Variants in CECR2 observed in about 807,000 individuals in gnomAD.
CECR2 encodes the protein chromatin remodeling regulator CECR2.
A neutral mutation model predicts 154.5 loss-of-function variants in CECR2; 30 were observed. The ratio of observed to expected loss-of-function variants is 0.19; its 90% confidence interval spans 0.15 to 0.26. The LOEUF (loss-of-function observed/expected upper bound fraction) is 0.26. Among genes scored for constraint, CECR2 ranks in the 10% least tolerant of loss-of-function variants. The pLI is 1.00. For synonymous variants in CECR2, 725 were observed against 683.7 expected, an observed-to-expected ratio of 1.06 and a Z score of -0.94; for missense variants, 1,743 against 1,829.3, an observed-to-expected ratio of 0.95 and a Z score of 0.86.
chr22:17,510,803 C>CA (rs1189442674), intron 7 of CECR2, among the ~76,000 whole-genome samples: 1 of 152,142 alleles, frequency 6.6e-6, no homozygotes, highest in African/African-American at 2.4e-5. Flanking sequence ...GATGGGGTTT[C>CA]ACCATGTTGG....
chr22:17,475,318 A>G (rs1372137602), intron 1 of CECR2, among the ~76,000 whole-genome samples: 2 of 152,110 alleles, frequency 1.3e-5, no homozygotes, highest in African/African-American at 2.4e-5. Flanking sequence ...AATGGAGAAC[A>G]TTGGCCGGGG....
intron 1 of CECR2, among the ~76,000 whole-genome samples, chr22:17,411,094 C>T (rs2054062440): frequency 1.3e-5 from 2 of 152,136 alleles, no homozygotes; most frequent in East Asian, 1.9e-4. Flanking sequence ...CAGTTGGATT[C>T]TAAAGTTCTT....
intron 1 of CECR2, among the ~76,000 whole-genome samples, chr22:17,469,016 A>G (rs2055077854): frequency 6.6e-6 from 1 of 152,098 alleles, no homozygotes; most frequent in African/African-American, 2.4e-5. Context: ...CCCACTCCCC[A>G]GATGGCATTA....
Position 17,387,972 on chromosome 22 carries a change from C to T in CECR2, c.126+18063C>T, listed in dbSNP as rs368789863. On this transcript the variant is annotated intron_variant, in intron 1 of 18. Transcript: ENST00000262608. ...TTTTTGTTTGTTTTTTGTTTTGTCCCGAGAGGGAGTCTGTCTCTGTCGCCC... is the reference window on the plus strand; with the variant it reads ...TTTTTGTTTGTTTTTTGTTTTGTCCTGAGAGGGAGTCTGTCTCTGTCGCCC... 5.9e-5 allele frequency among the ~76,000 whole-genome samples: 9 copies of T among 151,332 alleles called. No homozygotes were observed. In the East Asian group the frequency reaches 7.7e-4, roughly 13 times the overall value.
Position 17,549,067 on chromosome 22 carries a change from C to T in CECR2, c.3780C>T (p.Thr1260=). Residue 1260 remains threonine, a synonymous_variant, in exon 17 of 19, where the codon ACC becomes ACT. Transcript: ENST00000262608. The part of the protein sequence containing the change: ...ETLNAALTSP[T]RMDAVAAKVP... ...TGAATGCTGCCTTAACTTCTCCAACCCGTATGGATGCAGTGGCTGCTAAAG... is the reference window on the plus strand; with the variant it reads ...TGAATGCTGCCTTAACTTCTCCAACTCGTATGGATGCAGTGGCTGCTAAAG... The T allele has an allele frequency of 6.2e-7, 1 of 1,614,024 alleles. No individual in the cohort carries two copies. Among genetic ancestry groups the T allele is most frequent in the African/African-American group, 1.3e-5 (1 of 75,058 alleles).
chr22:17,467,781 T>G (rs895050876), intron 1 of CECR2, among the ~76,000 whole-genome samples: 1 of 145,010 alleles, frequency 6.9e-6, no homozygotes, highest in African/African-American at 2.6e-5. Context: ...AAACTCAGTC[T>G]CAAAAAAAAG....
chr22:17,523,037 A>G (rs2056186218), intron 8 of CECR2, among the ~76,000 whole-genome samples: 1 of 152,084 alleles, frequency 6.6e-6, no homozygotes, highest in Admixed American at 6.6e-5. Context: ...TATCTAGGCA[A>G]GATCGTCTCT....
chr22:17,401,381 T>C (rs73153496), intron 1 of CECR2, among the ~76,000 whole-genome samples: 18,857 of 152,176 alleles, frequency 0.12, 1,232 homozygotes, highest in East Asian at 0.18. Flanking sequence ...TACACACTAG[T>C]GAAACCATTA....
rs555768616 is a variant in CECR2 at position 17,429,895 on chromosome 22, G to A, written c.127-47693G>A. On this transcript the variant is annotated intron_variant, in intron 1 of 18. Transcript: ENST00000262608. ...CTGGTGGAAGACTAAGCCACCATTA[G>A]TGCAGTCTCTAGGGAAGGACTTTCT... Among the ~76,000 whole-genome samples the A allele has an allele frequency of 2.6e-5, 4 of 152,334 alleles. No homozygotes were observed. The South Asian group carries it at 6.2e-4, about 24-fold the overall frequency.
intron 1 of CECR2, among the ~76,000 whole-genome samples, chr22:17,476,334 A>G (rs1407607499): frequency 6.6e-6 from 1 of 151,692 alleles, no homozygotes; most frequent in Non-Finnish European, 1.5e-5. Flanking sequence ...GCACGATCTC[A>G]TTTCACTGCA....
At chr22:17,550,734 A>G (rs2056695089) in intron 17 of CECR2, among the ~76,000 whole-genome samples, 1 of 152,170 alleles carries the variant, frequency 6.6e-6, no homozygotes. Flanking sequence ...CGAGGTCAGG[A>G]GATTGAGACC....
At chr22:17,407,780 A>G (rs1035120152) in intron 1 of CECR2, among the ~76,000 whole-genome samples, 3 of 152,156 alleles carry the variant, frequency 2.0e-5, no homozygotes, top group African/African-American at 7.2e-5. Context: ...ACTCAGGGGA[A>G]GAGGGGTGTG....
intron 2 of CECR2, among the ~76,000 whole-genome samples, chr22:17,482,960 C>T (rs1255321337): frequency 5.3e-5 from 8 of 152,046 alleles, no homozygotes; most frequent in South Asian, 4.1e-4. Context: ...GGATTACAGG[C>T]GTGAGCCACC....
At chr22:17,482,731 CA>C (rs2055348672) in intron 2 of CECR2, among the ~76,000 whole-genome samples, 1 of 147,418 alleles carries the variant, frequency 6.8e-6, no homozygotes, top group Non-Finnish European at 1.5e-5. Context: ...GGTAGGGTTT[CA>C]TCATGTTGGC....
Position 17,504,603 on chromosome 22 carries a change from A to AT in CECR2, c.701-233dup, listed in dbSNP as rs35041905. On this transcript the variant is annotated intron_variant, in intron 6 of 18. Transcript: ENST00000262608. Reference sequence around the variant, plus strand: ...AGGCGCCCGCCACCGCGCCCGGCTAATTTTTTTTTTTCTATTTTTAGTAGA... The same window carrying AT: ...AGGCGCCCGCCACCGCGCCCGGCTAATTTTTTTTTTTTCTATTTTTAGTAGA... Among the ~76,000 whole-genome samples the AT allele has an allele frequency of 5.9e-3, 859 of 145,810 alleles. 27 individuals are homozygous for AT. In the East Asian group the frequency reaches 0.11, roughly 18 times the overall value.
intron 1 of CECR2, among the ~76,000 whole-genome samples, chr22:17,425,298 AC>A (rs2054313922): frequency 6.6e-6 from 1 of 151,588 alleles, no homozygotes; most frequent in Non-Finnish European, 1.5e-5. Context: ...ATGTAGCAGC[AC>A]CCTGGAATGA....
In CECR2 at chr22:17,385,506, C is replaced by T. The variant is rs747038740; in HGVS notation, c.126+15597C>T. Among the ~76,000 whole-genome samples, 9 of 152,292 alleles carry T rather than the reference C, an allele frequency of 5.9e-5. 1 individual carries two copies. The highest frequency in any genetic ancestry group is 2.1e-4 in the South Asian group (1 of 4,832). ...CAGTCTGTGGAGCAGACAGAACACACGCATTTATCAATTGAGTTTGCTGTT... is the reference window on the plus strand; with the variant it reads ...CAGTCTGTGGAGCAGACAGAACACATGCATTTATCAATTGAGTTTGCTGTT... On this transcript the variant is annotated intron_variant, in intron 1 of 18. Coordinates refer to ENST00000262608, the MANE Select transcript of CECR2 (RefSeq NM_001290047.2).
chr22:17,500,144 G>A (rs1166185756), intron 4 of CECR2, among the ~76,000 whole-genome samples: 1 of 149,808 alleles, frequency 6.7e-6, no homozygotes, highest in African/African-American at 2.5e-5. Context: ...CCGGGAGGCT[G>A]ATCTTGCAGT....
At chr22:17,531,587 C>A (rs1398019158) in intron 9 of CECR2, among the ~76,000 whole-genome samples, 1 of 152,108 alleles carries the variant, frequency 6.6e-6, no homozygotes, top group Admixed American at 6.6e-5. Flanking sequence ...ATGAAAGGTC[C>A]TGTATGTGTT....
Sources: gnomAD v4.1 joint callset for allele counts (sites outside exome capture counted in the v4.1 genomes callset) on GRCh38, gnomAD v4.1.1 for gene constraint, MANE v1.5 for transcripts, NCBI Gene and HGNC (gene_info 2026-07-23, HGNC 2026-07-21) for gene names.